Variants in MAML3 observed in about 807,000 individuals in gnomAD.
The protein encoded by MAML3 is mastermind-like protein 3.
In MAML3, 27 loss-of-function variants were observed where a neutral mutation model predicts 101.9. The ratio of observed to expected loss-of-function variants is 0.27; its 90% CI spans 0.20 to 0.37. The LOEUF (loss-of-function observed/expected upper bound fraction) is 0.37. Ranked by LOEUF, MAML3 falls within the 10% of genes least tolerant of loss-of-function variation. The pLI is 1.00. For synonymous variants in MAML3, 501 were observed against 555.9 expected (o/e 0.90, Z 1.39); for missense variants, 1,316 against 1,444.9 (o/e 0.91, Z 1.45).
chr4:139,767,266 A>C (rs935853301), intron 2 of MAML3, among the ~76,000 whole-genome samples: 1 of 152,236 alleles, frequency 6.6e-6, no homozygotes, highest in Admixed American at 6.5e-5. Context: ...TGTGTTCGTT[A>C]GGAAAGCACA....
chr4:139,910,075 T>C (rs71606865), intron 1 of MAML3, among the ~76,000 whole-genome samples: 3,172 of 152,244 alleles, frequency 0.021, 50 homozygotes, highest in Non-Finnish European at 0.033. Flanking sequence ...AAGAATAATT[T>C]GTGGTCAAAT....
At chr4:140,148,569 C>G (rs1207037441) in intron 1 of MAML3, among the ~76,000 whole-genome samples, 1 of 152,036 alleles carries the variant, frequency 6.6e-6, no homozygotes, top group Non-Finnish European at 1.5e-5. Flanking sequence ...CAGGATAAGC[C>G]AAAGAAAAGG....
At position 139,889,550 on chromosome 4, in the gene MAML3, A is replaced by C; in HGVS notation, c.1886T>G (p.Met629Arg). 1 of 1,612,386 alleles carries C rather than the reference A, an allele frequency of 6.2e-7. No homozygotes were observed. The highest frequency in any genetic ancestry group is 8.5e-7 in the Non-Finnish European group (1 of 1,179,510). ...PVANPNKNPL[M>R]PYIQQQQQQQ... ...CTGTTGCTGCTGCTGGATATACGGCATCAAGGGGTTTTTGTTGGGGTTGGC... is the reference window on the plus strand; with the variant it reads ...CTGTTGCTGCTGCTGGATATACGGCCTCAAGGGGTTTTTGTTGGGGTTGGC... Residue 629 changes from methionine (M) to arginine (R), a missense_variant, in exon 2 of 5, where the codon ATG becomes AGG. Coordinates refer to ENST00000509479, the MANE Select transcript of MAML3 (RefSeq NM_018717.5).
intron 1 of MAML3, among the ~76,000 whole-genome samples, chr4:139,927,919 T>G (rs1051330063): frequency 6.6e-6 from 1 of 152,196 alleles, no homozygotes; most frequent in Non-Finnish European, 1.5e-5. Flanking sequence ...GACAATGACA[T>G]TTAGAAACAA....
intron 2 of MAML3, among the ~76,000 whole-genome samples, chr4:139,790,037 C>T (rs1387842127): frequency 6.6e-6 from 1 of 151,772 alleles, no homozygotes; most frequent in Admixed American, 6.6e-5. Context: ...AAATGGAAAA[C>T]TGCAATTATT....
intron 1 of MAML3, among the ~76,000 whole-genome samples, chr4:140,131,641 T>TCTTA (rs150234220): frequency 0.032 from 4,839 of 152,308 alleles, 215 homozygotes; most frequent in African/African-American, 0.11. Flanking sequence ...CATTCCTTGC[T>TCTTA]CTATTTCATT....
At chr4:139,989,649 G>A (rs933719969) in intron 1 of MAML3, among the ~76,000 whole-genome samples, 6 of 151,966 alleles carry the variant, frequency 3.9e-5, no homozygotes, top group African/African-American at 1.2e-4. Flanking sequence ...TTGGTGAAAA[G>A]CCTCCTCCTG....
At chr4:140,105,496 A>G (rs992198375) in intron 1 of MAML3, among the ~76,000 whole-genome samples, 1 of 152,222 alleles carries the variant, frequency 6.6e-6, no homozygotes, top group Non-Finnish European at 1.5e-5. Context: ...TATGGAATAA[A>G]TAGTAGGAAT....
chr4:139,858,543 G>A (rs967125142), intron 2 of MAML3, among the ~76,000 whole-genome samples: 8 of 148,684 alleles, frequency 5.4e-5, no homozygotes, highest in East Asian at 2.0e-4. Flanking sequence ...TTCATTGTAC[G>A]TTCCTTGAAT....
At chr4:139,931,555 T>C (rs1287624605) in intron 1 of MAML3, among the ~76,000 whole-genome samples, 4 of 152,212 alleles carry the variant, frequency 2.6e-5, no homozygotes, top group Non-Finnish European at 4.4e-5. Context: ...TTTTCTACTA[T>C]AATAAAGTTC....
At chr4:139,841,860 C>T (rs951745175) in intron 2 of MAML3, among the ~76,000 whole-genome samples, 3 of 152,166 alleles carry the variant, frequency 2.0e-5, no homozygotes, top group African/African-American at 7.2e-5. Context: ...TACATGTGTC[C>T]ACGGTGAGCA....
intron 2 of MAML3, among the ~76,000 whole-genome samples, chr4:139,736,168 T>G (rs111901998): frequency 6.6e-6 from 1 of 151,716 alleles, no homozygotes; most frequent in Non-Finnish European, 1.5e-5. Context: ...TAAAAAAAAA[T>G]TTTTTTTAAA....
At chr4:140,083,967 CAGAGAGAGAGAGAGAGAGAGAG>C (rs72201205) in intron 1 of MAML3, among the ~76,000 whole-genome samples, 1 of 81,182 alleles carries the variant, frequency 1.2e-5, no homozygotes, top group African/African-American at 4.3e-5. Flanking sequence ...CACACACACA[CAGAGAGAGAGAGAGAGAGAGAG>C]AGAGAGAGAG....
intron 1 of MAML3, among the ~76,000 whole-genome samples, chr4:140,107,775 G>A (rs1728376242): frequency 6.6e-6 from 1 of 151,442 alleles, no homozygotes; most frequent in African/African-American, 2.4e-5. Context: ...AAAGTGCTGG[G>A]ATTACCGGCA....
chr4:139,976,511 T>G (rs1734341585), intron 1 of MAML3, among the ~76,000 whole-genome samples: 2 of 152,210 alleles, frequency 1.3e-5, no homozygotes, highest in South Asian at 4.1e-4. Context: ...GCATAGTACA[T>G]TAACATCCAG....
intron 1 of MAML3, among the ~76,000 whole-genome samples, chr4:139,911,600 T>G (rs1272347353): frequency 6.6e-6 from 1 of 152,220 alleles, no homozygotes; most frequent in African/African-American, 2.4e-5. Flanking sequence ...GAAATTCACA[T>G]GTTGAAATCC....
chr4:140,077,720 G>C (rs887099922), intron 1 of MAML3, among the ~76,000 whole-genome samples: 5 of 151,966 alleles, frequency 3.3e-5, no homozygotes, highest in Non-Finnish European at 7.4e-5. Flanking sequence ...GCAAAGCAGG[G>C]TTAAAAATAA....
chr4:140,138,499 A>C (rs1177779758), intron 1 of MAML3, among the ~76,000 whole-genome samples: 1 of 152,244 alleles, frequency 6.6e-6, no homozygotes, highest in African/African-American at 2.4e-5. Context: ...ACATCAGAGA[A>C]TCTCCGGGCA....
At chr4:139,737,945 C>T (rs1317782994) in intron 2 of MAML3, among the ~76,000 whole-genome samples, 2 of 152,166 alleles carry the variant, frequency 1.3e-5, no homozygotes, top group South Asian at 2.1e-4. Flanking sequence ...AGGCAGAGTT[C>T]ATCAATTTAG....
Sources: gnomAD v4.1 joint callset for allele counts (sites outside exome capture counted in the v4.1 genomes callset) on GRCh38, gnomAD v4.1.1 for gene constraint, MANE v1.5 for transcripts, NCBI Gene and HGNC (gene_info 2026-07-23, HGNC 2026-07-21) for gene names.